Variants in EZH1 observed in about 807,000 individuals in gnomAD.
EZH1 encodes the protein histone-lysine N-methyltransferase EZH1.
Under a neutral mutation model 100.5 loss-of-function variants are expected in EZH1, and 33 were observed. The ratio of observed to expected loss-of-function variants is 0.33; its 90% CI spans 0.25 to 0.44. The LOEUF (loss-of-function observed/expected upper bound fraction) is 0.44. Among genes scored for constraint, EZH1 ranks in the 20% least tolerant of loss-of-function variants. The pLI is 1.00. For missense variants in EZH1, 475 were observed against 928.4 expected, an observed-to-expected ratio of 0.51 and a Z score of 6.35; for synonymous variants, 272 against 313.8, an observed-to-expected ratio of 0.87 and a Z score of 1.41.
chr17:42,710,547 T>C (rs890055238), intron 12 of EZH1, among the ~76,000 whole-genome samples: 1 of 151,938 alleles, frequency 6.6e-6, no homozygotes, highest in Non-Finnish European at 1.5e-5. Flanking sequence ...ATGGTTACGT[T>C]GAGAACCTGT....
intron 1 of EZH1, 38 bp downstream of exon 1, chr17:42,744,973 G>A (rs1260295459): frequency 2.4e-6 from 3 of 1,258,518 alleles, no homozygotes; most frequent in Non-Finnish European, 3.1e-6. Context: ...GAGGAGGCCC[G>A]GCCCCACCGC....
chr17:42,711,123 G>T (rs974281901), intron 12 of EZH1, among the ~76,000 whole-genome samples: 2 of 152,020 alleles, frequency 1.3e-5, no homozygotes, highest in African/African-American at 2.4e-5. Flanking sequence ...ATCACTTGAG[G>T]TCAGGAGTTT....
intron 2 of EZH1, among the ~76,000 whole-genome samples, chr17:42,730,487 CTTTTT>C (rs1156867481): frequency 0.032 from 2,133 of 66,294 alleles, 21 homozygotes; most frequent in African/African-American, 0.11. Context: ...AGTATGTATT[CTTTTT>C]TTTTTTTTTT....
At chr17:42,705,520 C>A in intron 16 of EZH1, 1 of 201,104 alleles carries the variant, frequency 5.0e-6, no homozygotes, top group South Asian at 8.5e-5. Flanking sequence ...TTCAAGGAAC[C>A]ACTTTTCTTT....
intron 3 of EZH1, 75 bp from the exon 4 acceptor site, chr17:42,727,838 G>A: frequency 9.0e-7 from 1 of 1,107,900 alleles, no homozygotes; most frequent in Non-Finnish European, 1.2e-6. Flanking sequence ...TTTTGAGATG[G>A]AGTCTTGCTC....
At chr17:42,708,121 T>C in intron 14 of EZH1, 38 bp from the exon 15 acceptor site, 1 of 1,557,006 alleles carries the variant, frequency 6.4e-7, no homozygotes, top group East Asian at 2.3e-5. Context: ...GCTGTGACCA[T>C]ACTCTCCAGC....
chr17:42,731,277 C>T (rs1381641443), intron 1 of EZH1, among the ~76,000 whole-genome samples: 1 of 151,922 alleles, frequency 6.6e-6, no homozygotes, highest in Admixed American at 6.6e-5. Flanking sequence ...ACCACCATAG[C>T]CGGCCAAATT....
intron 2 of EZH1, among the ~76,000 whole-genome samples, chr17:42,729,770 T>C: frequency 7.3e-6 from 1 of 137,524 alleles, no homozygotes; most frequent in Non-Finnish European, 1.5e-5. Context: ...CCGGGCATGG[T>C]GATTCATGCC....
At position 42,703,768 on chromosome 17, in the gene EZH1, A is replaced by G; in HGVS notation, c.2070T>C (p.His690=). 2 of 1,614,134 alleles carry G rather than the reference A, an allele frequency of 1.2e-6. No individual in the cohort carries two copies. Among genetic ancestry groups the G allele is most frequent in the South Asian group, 1.1e-5 (1 of 91,080 alleles). ...RKGNKIRFAN[H]SVNPNCYAKV... The stretch of plus-strand genomic sequence containing the variant: ...TGGCATAACAGTTGGGATTCACTGA[A>G]TGATTTGCAAATCGAATTTTGTTTC... The change falls in exon 19 of 21, where the codon CAT becomes CAC. Residue 690 remains histidine, a synonymous_variant. Coordinates refer to ENST00000428826, the MANE Select transcript of EZH1 (RefSeq NM_001991.5).
chr17:42,711,976 G>A (rs1427787568), intron 12 of EZH1, among the ~76,000 whole-genome samples: 1 of 152,168 alleles, frequency 6.6e-6, no homozygotes, highest in Non-Finnish European at 1.5e-5. Context: ...TTCTGGGAAA[G>A]GGGTACACAT....
intron 5 of EZH1, 108 bp downstream of exon 5, chr17:42,724,197 C>G (rs1416102936): frequency 9.1e-6 from 12 of 1,318,610 alleles, no homozygotes; most frequent in Non-Finnish European, 1.2e-5. Context: ...CCTGCATGTC[C>G]TAGCTGTGTT....
At chr17:42,709,032 TC>T in intron 13 of EZH1, 116 bp from the exon 14 acceptor site, 9 of 1,156,828 alleles carry the variant, frequency 7.8e-6, no homozygotes, top group Non-Finnish European at 1.2e-5. Context: ...GGGAGTATCT[TC>T]CCAAACCCCT....
chr17:42,712,436 G>A lies in EZH1; in HGVS notation c.1254C>T (p.Ala418=). ...QTPTKQKASP[A]PPQLCVVEAP... ...CTTCCACTACGCAGAGTTGAGGTGGGGCTGGACTAGCCTTCTGTTTTGTGG... is the reference window on the plus strand; with the variant it reads ...CTTCCACTACGCAGAGTTGAGGTGGAGCTGGACTAGCCTTCTGTTTTGTGG... Residue 418 remains alanine (A), a synonymous_variant, in exon 12 of 21, where the codon GCC becomes GCT. Coordinates refer to ENST00000428826, the MANE Select transcript of EZH1 (RefSeq NM_001991.5). 2 of 1,614,156 alleles carry A rather than the reference G, an allele frequency of 1.2e-6. No individual in the cohort carries two copies. Among genetic ancestry groups the A allele is most frequent in the East Asian group, 2.2e-5 (1 of 44,882 alleles).
chr17:42,729,139 G>A (rs57807977), intron 2 of EZH1, 187 bp from the exon 3 acceptor site: 6,682 of 543,620 alleles, frequency 0.012, 326 homozygotes, highest in African/African-American at 0.11. Context: ...AGAGGCAGGG[G>A]CTCACACCTG....
At chr17:42,743,426 C>T (rs1184662382) in intron 1 of EZH1, among the ~76,000 whole-genome samples, 1 of 151,616 alleles carries the variant, frequency 6.6e-6, no homozygotes, top group Non-Finnish European at 1.5e-5. Flanking sequence ...CCACCTCAGC[C>T]TCCCAAAGTG....
intron 3 of EZH1, 75 bp from the exon 4 acceptor site, chr17:42,727,838 G>T (rs566015367): frequency 1.8e-6 from 2 of 1,107,782 alleles, no homozygotes; most frequent in Non-Finnish European, 2.3e-6. Context: ...TTTTGAGATG[G>T]AGTCTTGCTC....
At chr17:42,725,039 T>C (rs1214079946) in intron 4 of EZH1, among the ~76,000 whole-genome samples, 2 of 151,186 alleles carry the variant, frequency 1.3e-5, no homozygotes, top group Middle Eastern at 3.2e-3. Context: ...TGGTGGCACA[T>C]GCCTGTAGTC....
At position 42,718,242 on chromosome 17, in the gene EZH1, G is replaced by T; in HGVS notation, c.932-175C>A. 1 of 821,178 alleles carries T rather than the reference G, an allele frequency of 1.2e-6. No individual in the cohort carries two copies. Among genetic ancestry groups the T allele is most frequent in the Non-Finnish European group, 1.9e-6 (1 of 527,808 alleles). The allele number at this position is 821,178 out of a possible 1,614,324, so 50.9% of individuals were successfully genotyped here. A position where few individuals can be genotyped will look rare whatever the true frequency, so the allele number is the denominator to read the frequency against. On this transcript the variant is annotated intron_variant, in intron 9 of 20. Transcript: ENST00000428826. The surrounding 1 kb of genome is among the most constrained non-coding windows in gnomAD (Gnocchi z 4.2). ...CAACACAATGCTTTCAAAGCTAAGAGGTACTGAGGGACAGATAAGTTGCTA... is the reference window on the plus strand; with the variant it reads ...CAACACAATGCTTTCAAAGCTAAGATGTACTGAGGGACAGATAAGTTGCTA...
chr17:42,712,983 A>G (rs1054016331), intron 11 of EZH1, among the ~76,000 whole-genome samples: 5 of 142,248 alleles, frequency 3.5e-5, no homozygotes, highest in African/African-American at 1.3e-4. Context: ...GGTTGCAGTG[A>G]GCCAAGATAG....
Sources: allele counts gnomAD v4.1 joint callset (sites outside exome capture counted in the v4.1 genomes callset), GRCh38; gene constraint gnomAD v4.1.1; non-coding constraint Gnocchi (gnomAD v3.1); transcripts MANE v1.5; gene names NCBI Gene and HGNC (gene_info 2026-07-23, HGNC 2026-07-21).